Variants in SH3GL3 observed in about 807,000 individuals in gnomAD.
The protein encoded by SH3GL3 is endophilin-A3.
In SH3GL3, 33 loss-of-function variants were observed where a neutral mutation model predicts 47.7. The observed-to-expected ratio is 0.69, with a 90% CI of 0.52 to 0.92. The LOEUF (loss-of-function observed/expected upper bound fraction) is 0.92. SH3GL3 is among the 40% of genes least tolerant of loss of function. The pLI, the probability that SH3GL3 is intolerant of heterozygous loss-of-function variation, is 0.00. For missense variants in SH3GL3, 363 were observed against 417.8 expected, an observed-to-expected ratio of 0.87 and a Z score of 1.14; for synonymous variants, 155 against 148.8, an observed-to-expected ratio of 1.04 and a Z score of -0.30.
At chr15:83,484,567 A>T (rs922923584) in intron 1 of SH3GL3, among the ~76,000 whole-genome samples, 3 of 151,920 alleles carry the variant, frequency 2.0e-5, no homozygotes, top group Non-Finnish European at 4.4e-5. Flanking sequence ...AGACAATCCC[A>T]CATTTCTTTA....
At chr15:83,577,888 G>A (rs2059727463) in intron 6 of SH3GL3, among the ~76,000 whole-genome samples, 1 of 152,240 alleles carries the variant, frequency 6.6e-6, no homozygotes, top group Non-Finnish European at 1.5e-5. Context: ...CAAGGCAGAT[G>A]GTTAAGGGAG....
At chr15:83,626,005 A>C in the SH3GL3 span, among the ~76,000 whole-genome samples, 1 of 151,946 alleles carries the variant, frequency 6.6e-6, no homozygotes. Flanking sequence ...GCTAATTTTT[A>C]TATTTTTAGT....
intron 1 of SH3GL3, among the ~76,000 whole-genome samples, chr15:83,539,555 G>C (rs955880143): frequency 6.6e-6 from 1 of 152,082 alleles, no homozygotes; most frequent in Non-Finnish European, 1.5e-5. Context: ...CCTATACAAG[G>C]CTCCTTTGAC....
intron 2 of SH3GL3, among the ~76,000 whole-genome samples, chr15:83,561,929 A>C (rs1247821060): frequency 6.6e-6 from 1 of 152,006 alleles, no homozygotes; most frequent in Non-Finnish European, 1.5e-5. Context: ...GGTTGACTTC[A>C]CAAAAAATAA....
intron 6 of SH3GL3, among the ~76,000 whole-genome samples, chr15:83,583,444 C>A (rs1377138214): frequency 1.3e-5 from 2 of 152,200 alleles, no homozygotes; most frequent in East Asian, 3.8e-4. Flanking sequence ...TTGAGCCATT[C>A]TTCCTTTGGG....
intron 1 of SH3GL3, among the ~76,000 whole-genome samples, chr15:83,491,359 G>T (rs1170808040): frequency 7.2e-5 from 11 of 152,162 alleles, no homozygotes; most frequent in Admixed American, 6.5e-4. Context: ...TACTTCATTG[G>T]ACTGAATTGT....
At chr15:83,511,750 G>C (rs565490093) in intron 1 of SH3GL3, among the ~76,000 whole-genome samples, 2 of 151,982 alleles carry the variant, frequency 1.3e-5, no homozygotes, top group Non-Finnish European at 2.9e-5. Flanking sequence ...CCAGTGTACC[G>C]CGCACCTGCT....
chr15:83,467,913 T>C (rs1312891422), intron 1 of SH3GL3, among the ~76,000 whole-genome samples: 1 of 152,222 alleles, frequency 6.6e-6, no homozygotes, highest in African/African-American at 2.4e-5. Flanking sequence ...CTGCAAGCTC[T>C]GCCTCCCGGG....
At chr15:83,449,246 G>C (rs917792827) in intron 1 of SH3GL3, among the ~76,000 whole-genome samples, 2 of 152,278 alleles carry the variant, frequency 1.3e-5, no homozygotes, top group Non-Finnish European at 2.9e-5. Flanking sequence ...GAAAGAACTC[G>C]TAGATGACAG....
At position 83,584,943 on chromosome 15, in the gene SH3GL3, G is replaced by C. The variant is rs148219415; in HGVS notation, c.625-2040G>C. On this transcript the variant is annotated intron_variant, in intron 6 of 8. Transcript: ENST00000427482. ...AAGCCTGAGTTTGTTGCTTTATCTT[G>C]GTTCTGCCTGTCTAGGTATTTATTT... Among the ~76,000 whole-genome samples, 281 of 152,246 alleles carry C rather than the reference G, an allele frequency of 1.8e-3. 1 individual carries two copies. Among genetic ancestry groups the C allele is most frequent in the African/African-American group, 6.5e-3 (271 of 41,542 alleles).
chr15:83,473,791 C>T (rs1323487239), intron 1 of SH3GL3, among the ~76,000 whole-genome samples: 1 of 151,678 alleles, frequency 6.6e-6, no homozygotes, highest in East Asian at 1.9e-4. Flanking sequence ...TCGTGATCTG[C>T]CCGCCTGGGC....
chr15:83,472,983 C>T (rs2040899968), intron 1 of SH3GL3, among the ~76,000 whole-genome samples: 1 of 152,136 alleles, frequency 6.6e-6, no homozygotes, highest in African/African-American at 2.4e-5. Flanking sequence ...ATTAGGCCTC[C>T]ACTGATAACA....
chr15:83,573,187 T>C (rs1596288885), intron 5 of SH3GL3, among the ~76,000 whole-genome samples: 1 of 152,334 alleles, frequency 6.6e-6, no homozygotes, highest in East Asian at 1.9e-4. Flanking sequence ...TGCATGCCAC[T>C]TGCATGGTGG....
the SH3GL3 span, among the ~76,000 whole-genome samples, chr15:83,628,351 A>G: frequency 1.3e-5 from 2 of 152,248 alleles, no homozygotes; most frequent in African/African-American, 4.8e-5. Context: ...ATGAAAGGGA[A>G]AAAGGACTAT....
In SH3GL3 at chr15:83,541,312, ATTTTTTTTTTTTTTTTTTTTTTTTTT is replaced by A. The variant is rs71156085; in HGVS notation, c.46-17927_46-17902del. On this transcript the variant is annotated intron_variant, in intron 1 of 8. Coordinates refer to ENST00000427482, the MANE Select transcript of SH3GL3 (RefSeq NM_003027.5). ...GATGGCTGGATCATATGGTAATTCT[ATTTTTTTTTTTTTTTTTTTTTTTTTT>A]TTTTTTTTTTTTTGAGACGGAGTCT... is the stretch of plus-strand genomic sequence containing the variant. Among the ~76,000 whole-genome samples, 9 of 47,366 alleles carry A rather than the reference ATTTTTTTTTTTTTTTTTTTTTTTTTT, an allele frequency of 1.9e-4. No individual in the cohort carries two copies. The East Asian group carries it at 4.6e-3, about 24-fold the overall frequency. 31.1% of individuals were successfully genotyped at this position (47,366 alleles called of 152,430 possible).
At chr15:83,467,502 T>A (rs1201946368) in intron 1 of SH3GL3, among the ~76,000 whole-genome samples, 1 of 152,256 alleles carries the variant, frequency 6.6e-6, no homozygotes, top group East Asian at 1.9e-4. Flanking sequence ...CAGAATTGTT[T>A]TAGCTATTCT....
chr15:83,590,671 GA>G (rs1170375125), intron 8 of SH3GL3, among the ~76,000 whole-genome samples: 2 of 152,174 alleles, frequency 1.3e-5, no homozygotes, highest in Non-Finnish European at 2.9e-5. Flanking sequence ...AGTGACTAAT[GA>G]TGTTGAATAT....
At chr15:83,569,764 A>C (rs936250539) in intron 4 of SH3GL3, among the ~76,000 whole-genome samples, 3 of 152,184 alleles carry the variant, frequency 2.0e-5, no homozygotes, top group African/African-American at 7.2e-5. Context: ...CATCTTTTGG[A>C]TCACGTGTGA....
intron 8 of SH3GL3, among the ~76,000 whole-genome samples, chr15:83,602,395 A>G (rs1018574480): frequency 6.6e-6 from 1 of 152,196 alleles, no homozygotes; most frequent in Non-Finnish European, 1.5e-5. Flanking sequence ...TCTAAAATCA[A>G]GGTGCCAGCA....
Sources: gnomAD v4.1 joint callset for allele counts (sites outside exome capture counted in the v4.1 genomes callset) on GRCh38, gnomAD v4.1.1 for gene constraint, MANE v1.5 for transcripts, NCBI Gene and HGNC (gene_info 2026-07-23, HGNC 2026-07-21) for gene names.